ARB2A: variants seen among roughly 807,000 people sequenced by gnomAD.
The protein encoded by ARB2A is ARB2 cotranscriptional regulator A.
At chr5:93,993,467 A>G in the ARB2A span, among the ~76,000 whole-genome samples, 1 of 152,234 alleles carries the variant, frequency 6.6e-6, no homozygotes, top group East Asian at 1.9e-4. Context: ...AATTCCCCAC[A>G]CATTTTTGTT....
At chr5:93,875,878 A>G in the ARB2A span, among the ~76,000 whole-genome samples, 7 of 152,106 alleles carry the variant, frequency 4.6e-5, no homozygotes, top group East Asian at 1.3e-3. Context: ...CGATATGAAC[A>G]GCAGCAGCCC....
the ARB2A span, among the ~76,000 whole-genome samples, chr5:93,945,414 C>CAA: frequency 5.8e-4 from 35 of 59,928 alleles, 1 homozygote; most frequent in African/African-American, 1.8e-3. Context: ...GATTCCATCT[C>CAA]AAAAAAAAAA....
At chr5:93,702,814 T>C in the ARB2A span, among the ~76,000 whole-genome samples, 1 of 152,174 alleles carries the variant, frequency 6.6e-6, no homozygotes, top group African/African-American at 2.4e-5. Flanking sequence ...CATATTTTTG[T>C]TAAAGTTCAC....
At chr5:93,785,874 T>C in the ARB2A span, among the ~76,000 whole-genome samples, 1 of 152,218 alleles carries the variant, frequency 6.6e-6, no homozygotes, top group African/African-American at 2.4e-5. Context: ...ACTAGTATGC[T>C]ACCTTCTTCT....
At chr5:93,638,665 C>CA in the ARB2A span, among the ~76,000 whole-genome samples, 1,810 of 127,502 alleles carry the variant, frequency 0.014, 20 homozygotes, top group African/African-American at 0.032. Context: ...TACAAAAATA[C>CA]AAAAAAAAAA....
chr5:93,981,937 A>G, the ARB2A span, among the ~76,000 whole-genome samples: 3 of 152,102 alleles, frequency 2.0e-5, no homozygotes, highest in Non-Finnish European at 2.9e-5. Flanking sequence ...CCACCCCCAC[A>G]GTCCCTTCAG....
the ARB2A span, among the ~76,000 whole-genome samples, chr5:93,773,279 T>C: frequency 6.6e-6 from 1 of 152,222 alleles, no homozygotes; most frequent in Non-Finnish European, 1.5e-5. Context: ...GGTCTCCTTA[T>C]GCCACTGAAT....
At chr5:93,948,614 G>A in the ARB2A span, among the ~76,000 whole-genome samples, 1 of 152,168 alleles carries the variant, frequency 6.6e-6, no homozygotes, top group East Asian at 1.9e-4. Flanking sequence ...TAATGCCTAG[G>A]TTTTCTTCTA....
At chr5:93,717,336 G>A in the ARB2A span, among the ~76,000 whole-genome samples, 5 of 152,088 alleles carry the variant, frequency 3.3e-5, no homozygotes, top group Non-Finnish European at 7.4e-5. Context: ...AGCACCAAGC[G>A]GTGCCACTTC....
the ARB2A span, among the ~76,000 whole-genome samples, chr5:94,009,919 CTTTT>C: frequency 7.3e-6 from 1 of 136,502 alleles, no homozygotes; most frequent in Admixed American, 7.4e-5. Context: ...CATCTTTGGT[CTTTT>C]TTTTTTTTTT....
the ARB2A span, among the ~76,000 whole-genome samples, chr5:93,927,375 T>G: frequency 6.6e-6 from 1 of 152,176 alleles, no homozygotes; most frequent in Admixed American, 6.5e-5. Flanking sequence ...ACCTTGCTCA[T>G]TCTTCCCCAG....
chr5:94,060,875 C>T, the ARB2A span, among the ~76,000 whole-genome samples: 1 of 152,084 alleles, frequency 6.6e-6, no homozygotes, highest in African/African-American at 2.4e-5. Flanking sequence ...TCCACTATTT[C>T]AACAGGCTAC....
At chr5:93,902,967 T>C in the ARB2A span, among the ~76,000 whole-genome samples, 2 of 152,128 alleles carry the variant, frequency 1.3e-5, no homozygotes, top group East Asian at 1.9e-4. Flanking sequence ...CAAGAGCTTT[T>C]GTTGTACACC....
chr5:93,791,638 T>C, the ARB2A span, among the ~76,000 whole-genome samples: 1 of 152,304 alleles, frequency 6.6e-6, no homozygotes, highest in Non-Finnish European at 1.5e-5. Flanking sequence ...TTCCTGTGCT[T>C]TGAAGCCCTA....
At chr5:93,775,972 T>C in the ARB2A span, among the ~76,000 whole-genome samples, 1 of 152,204 alleles carries the variant, frequency 6.6e-6, no homozygotes, top group African/African-American at 2.4e-5. Flanking sequence ...AGTTTGTTGG[T>C]AAGCATTTTA....
the ARB2A span, among the ~76,000 whole-genome samples, chr5:93,754,673 TG>T: frequency 1.3e-5 from 2 of 152,226 alleles, no homozygotes; most frequent in Non-Finnish European, 2.9e-5. Flanking sequence ...CCTCTCACCC[TG>T]ACAGAATGCC....
chr5:94,087,972 G>A, the ARB2A span, among the ~76,000 whole-genome samples: 1 of 152,156 alleles, frequency 6.6e-6, no homozygotes, highest in Non-Finnish European at 1.5e-5. Flanking sequence ...ACATTTCTCA[G>A]AAAATATCCC....
At chr5:93,912,748 A>G in the ARB2A span, among the ~76,000 whole-genome samples, 1 of 151,890 alleles carries the variant, frequency 6.6e-6, no homozygotes, top group Non-Finnish European at 1.5e-5. Flanking sequence ...AGTGCCTCAC[A>G]AGAATAAAGA....
the ARB2A span, among the ~76,000 whole-genome samples, chr5:93,943,024 TC>T: frequency 1.3e-5 from 2 of 152,136 alleles, no homozygotes; most frequent in Non-Finnish European, 2.9e-5. Context: ...AATAAAATGT[TC>T]CCTACTGGTG....
Sources: allele counts gnomAD v4.1 joint callset (sites outside exome capture counted in the v4.1 genomes callset), GRCh38; gene constraint gnomAD v4.1.1; transcripts MANE v1.5; gene names NCBI Gene and HGNC (gene_info 2026-07-23, HGNC 2026-07-21).